The following NXPH2 variants were observed in gnomAD, a reference collection of about 807,000 sequenced individuals.
NXPH2 encodes neurexophilin-2.
A neutral mutation model predicts 19.8 loss-of-function variants in NXPH2; 5 were observed. That is an observed-to-expected ratio of 0.25 (90% confidence interval 0.13 to 0.53). NXPH2 has a LOEUF of 0.53. NXPH2 is among the 20% of genes least tolerant of loss of function. The probability of loss-of-function intolerance (pLI) is 0.96; values close to 1 mark genes in which losing one functional copy is unlikely to be tolerated. For missense variants in NXPH2, 289 were observed against 322.8 expected (o/e 0.90, Z 0.80); for synonymous variants, 154 against 127.4 (o/e 1.21, Z -1.41).
rs200947177 is a variant in NXPH2 at position 138,688,082 on chromosome 2, G to A, written c.52-16417C>T. 5.1e-4 allele frequency among the ~76,000 whole-genome samples: 77 copies of A among 152,234 alleles called. No homozygotes were observed. The East Asian group carries it at 0.011, about 21-fold the overall frequency. ...TTTTTCCAATTCTGTGAAGAAAGTCGTTGGTAGCTTGATGGGGATGGCATT... is the reference window on the plus strand; with the variant it reads ...TTTTTCCAATTCTGTGAAGAAAGTCATTGGTAGCTTGATGGGGATGGCATT... On this transcript the variant is annotated intron_variant, in intron 1 of 1. Transcript: ENST00000272641.
intron 1 of NXPH2, among the ~76,000 whole-genome samples, chr2:138,740,847 G>T: frequency 6.6e-6 from 1 of 151,500 alleles, no homozygotes; most frequent in East Asian, 2.0e-4. Flanking sequence ...TGGTATGCAT[G>T]AAGCCACGCT....
At chr2:138,709,550 T>C (rs1681066120) in intron 1 of NXPH2, among the ~76,000 whole-genome samples, 1 of 151,244 alleles carries the variant, frequency 6.6e-6, no homozygotes, top group African/African-American at 2.4e-5. Context: ...CTCAAGTCCA[T>C]GTTTATGTTA....
chr2:138,717,232 C>A (rs1047268909), intron 1 of NXPH2, among the ~76,000 whole-genome samples: 1 of 152,060 alleles, frequency 6.6e-6, no homozygotes, highest in Admixed American at 6.6e-5. Flanking sequence ...TAATCATACA[C>A]CTACCCTATG....
chr2:138,774,522 C>T (rs1452456487), intron 1 of NXPH2, among the ~76,000 whole-genome samples: 2 of 152,138 alleles, frequency 1.3e-5, no homozygotes, highest in Non-Finnish European at 2.9e-5. Context: ...AAGAAAAATT[C>T]AGAACCCCTG....
At chr2:138,705,106 C>T (rs962627351) in intron 1 of NXPH2, among the ~76,000 whole-genome samples, 1 of 151,974 alleles carries the variant, frequency 6.6e-6, no homozygotes, top group Non-Finnish European at 1.5e-5. Context: ...GGATAACAGG[C>T]GTGAGCCACC....
Position 138,780,084 on chromosome 2 carries a change from C to T in NXPH2, c.51+107G>A, listed in dbSNP as rs1682327543. 7.8e-6 allele frequency: 9 copies of T among 1,157,902 alleles called. 1 individual carries two copies. The South Asian group carries it at 1.5e-4, about 20-fold the overall frequency. The allele number at this position is 1,157,902 out of a possible 1,614,324, so 71.7% of individuals were successfully genotyped here. On this transcript the variant is annotated intron_variant, in intron 1 of 1. Coordinates refer to ENST00000272641, the MANE Select transcript of NXPH2 (RefSeq NM_007226.3). ...CCTTGCCCTCCGCGCGCCCCCAACC[C>T]CACTTCCCAAGCAGGCCCAGGCTGG...
At chr2:138,706,972 C>G (rs1308941368) in intron 1 of NXPH2, among the ~76,000 whole-genome samples, 1 of 151,028 alleles carries the variant, frequency 6.6e-6, no homozygotes, top group Admixed American at 6.6e-5. Context: ...AGATGGGTCT[C>G]TTAAAAAATT....
chr2:138,673,242 G>T (rs146688986), intron 1 of NXPH2, among the ~76,000 whole-genome samples: 414 of 152,198 alleles, frequency 2.7e-3, no homozygotes, highest in African/African-American at 8.7e-3. Flanking sequence ...ACCCTGAATT[G>T]ATACTCCTTT....
intron 1 of NXPH2, among the ~76,000 whole-genome samples, chr2:138,775,105 T>G (rs773716777): frequency 2.0e-5 from 3 of 152,168 alleles, no homozygotes; most frequent in Non-Finnish European, 4.4e-5. Flanking sequence ...AGAATGGCAA[T>G]TTTAGATACA....
chr2:138,690,569 A>C (rs1346203258), intron 1 of NXPH2, among the ~76,000 whole-genome samples: 1 of 149,102 alleles, frequency 6.7e-6, no homozygotes, highest in African/African-American at 2.6e-5. Flanking sequence ...TTTCTCTCAA[A>C]AAACTCAGAA....
chr2:138,714,450 C>A (rs373232595), intron 1 of NXPH2, among the ~76,000 whole-genome samples: 212 of 152,188 alleles, frequency 1.4e-3, no homozygotes, highest in African/African-American at 4.9e-3. Context: ...GGTAACTTTT[C>A]TCATTAATTA....
chr2:138,701,795 A>G (rs13008852), intron 1 of NXPH2, among the ~76,000 whole-genome samples: 37,585 of 152,124 alleles, frequency 0.25, 5,340 homozygotes, highest in East Asian at 0.54. Context: ...TGTCATCCAT[A>G]TGTTACAGAA....
At chr2:138,711,548 G>T (rs1681106364) in intron 1 of NXPH2, among the ~76,000 whole-genome samples, 1 of 152,084 alleles carries the variant, frequency 6.6e-6, no homozygotes, top group Non-Finnish European at 1.5e-5. Flanking sequence ...CCTCTAAATT[G>T]TACTTGAATT....
At chr2:138,740,966 T>C (rs1681633527) in intron 1 of NXPH2, among the ~76,000 whole-genome samples, 1 of 151,766 alleles carries the variant, frequency 6.6e-6, no homozygotes, top group Admixed American at 6.6e-5. Flanking sequence ...GTGGGAAAAA[T>C]ACATCTTGAA....
At chr2:138,745,014 G>A (rs1237663752) in intron 1 of NXPH2, among the ~76,000 whole-genome samples, 1 of 152,142 alleles carries the variant, frequency 6.6e-6, no homozygotes, top group African/African-American at 2.4e-5. Flanking sequence ...GCAGAGCAAA[G>A]GAAACAGCTG....
chr2:138,715,306 A>G (rs1472815790), intron 1 of NXPH2, among the ~76,000 whole-genome samples: 1 of 152,190 alleles, frequency 6.6e-6, no homozygotes, highest in Non-Finnish European at 1.5e-5. Flanking sequence ...ACATACAACT[A>G]TTTAGTCCAG....
intron 1 of NXPH2, among the ~76,000 whole-genome samples, chr2:138,743,093 T>G (rs1681669866): frequency 6.6e-6 from 1 of 152,146 alleles, no homozygotes; most frequent in African/African-American, 2.4e-5. Context: ...AAGAAAGCAA[T>G]CACAAATGTA....
At chr2:138,740,617 C>T (rs140146406) in intron 1 of NXPH2, among the ~76,000 whole-genome samples, 1 of 152,206 alleles carries the variant, frequency 6.6e-6, no homozygotes, top group East Asian at 1.9e-4. Context: ...TATATGAAGG[C>T]AATTCTGAGG....
chr2:138,773,491 C>T (rs1016782008), intron 1 of NXPH2, among the ~76,000 whole-genome samples: 20 of 151,638 alleles, frequency 1.3e-4, no homozygotes, highest in African/African-American at 4.4e-4. Flanking sequence ...TACTAATCAA[C>T]CACTTTCAGT....
Sources: allele counts gnomAD v4.1 joint callset (sites outside exome capture counted in the v4.1 genomes callset), GRCh38; gene constraint gnomAD v4.1.1; transcripts MANE v1.5; gene names NCBI Gene and HGNC (gene_info 2026-07-23, HGNC 2026-07-21).